Variants in ROPN1B observed in about 807,000 individuals in gnomAD.
The protein encoded by ROPN1B is ropporin-1B.
A neutral mutation model predicts 23.7 loss-of-function variants in ROPN1B; 13 were observed. The observed-to-expected ratio is 0.55, with a 90% confidence interval of 0.36 to 0.87. The LOEUF (loss-of-function observed/expected upper bound fraction) is 0.87. Ranked by LOEUF, ROPN1B falls within the 40% of genes least tolerant of loss-of-function variation. The pLI is 0.01. For synonymous variants in ROPN1B, 67 were observed against 100.4 expected, an observed-to-expected ratio of 0.67 and a Z score of 1.99; for missense variants, 183 against 249.2, an observed-to-expected ratio of 0.73 and a Z score of 1.79.
In ROPN1B at chr3:125,982,453, A is replaced by G. The variant is rs1168129951; in HGVS notation, c.572+8A>G. ...CTACATTGAACAGGAAGTGTAAGTT[A>G]ACTTTTACCAATTGGAGGTGAAAGA... On this transcript the variant is annotated splice_region_variant and intron_variant, in intron 6 of 6. Transcript: ENST00000514116. The G allele has an allele frequency of 6.3e-7, 1 of 1,583,832 alleles. No homozygotes were observed. Among genetic ancestry groups the G allele is most frequent in the South Asian group, 1.2e-5 (1 of 84,740 alleles).
intron 5 of ROPN1B, chr3:125,977,857 T>C (rs1015873861): frequency 6.6e-5 from 10 of 152,464 alleles, no homozygotes; most frequent in Non-Finnish European, 1.2e-4. Flanking sequence ...ATCAAAAACA[T>C]GGTTTTTAAA....
At chr3:125,970,682 T>A (rs1938168715) in intron 1 of ROPN1B, among the ~76,000 whole-genome samples, 1 of 152,158 alleles carries the variant, frequency 6.6e-6, no homozygotes, top group Non-Finnish European at 1.5e-5. Flanking sequence ...TGTACAGATT[T>A]AGTGGTTATT....
intron 3 of ROPN1B, among the ~76,000 whole-genome samples, chr3:125,974,796 A>G (rs1938345010): frequency 6.6e-6 from 1 of 152,156 alleles, no homozygotes; most frequent in Admixed American, 6.5e-5. Flanking sequence ...AAACAGTTTT[A>G]TTTTACAGGC....
At chr3:125,977,427 T>C in intron 5 of ROPN1B, 2 of 489,624 alleles carry the variant, frequency 4.1e-6, no homozygotes, top group Non-Finnish European at 7.6e-6. Flanking sequence ...TATTTATGAA[T>C]ATTGCCCTCA....
At chr3:125,981,548 G>C (rs186833180) in intron 5 of ROPN1B, among the ~76,000 whole-genome samples, 1 of 151,990 alleles carries the variant, frequency 6.6e-6, no homozygotes, top group Non-Finnish European at 1.5e-5. Context: ...TCAAAGGGTG[G>C]GTTATTTAAA....
intron 4 of ROPN1B, 72 bp downstream of exon 4, chr3:125,975,752 CCT>C: frequency 7.3e-7 from 1 of 1,373,146 alleles, no homozygotes; most frequent in Admixed American, 2.1e-5. Context: ...AGACGAAAGC[CCT>C]CTGTTCTCCT....
At chr3:125,971,702 A>AT (rs955264181) in intron 2 of ROPN1B, among the ~76,000 whole-genome samples, 13 of 152,138 alleles carry the variant, frequency 8.5e-5, no homozygotes, top group African/African-American at 2.4e-4. Context: ...GCATAATCTT[A>AT]TTTTTTTGTT....
At chr3:125,983,025 C>T (rs1445185434) in intron 6 of ROPN1B, among the ~76,000 whole-genome samples, 2 of 152,000 alleles carry the variant, frequency 1.3e-5, no homozygotes, top group Non-Finnish European at 2.9e-5. Flanking sequence ...GTGTCTGTAT[C>T]AGTTAATTGG....
chr3:125,974,243 G>A (rs140822566), intron 3 of ROPN1B, among the ~76,000 whole-genome samples: 455 of 152,276 alleles, frequency 3.0e-3, no homozygotes, highest in African/African-American at 4.3e-3. Flanking sequence ...CCCTGCTCCT[G>A]TTGTCACAGT....
At position 125,982,432 on chromosome 3, in the gene ROPN1B, A is replaced by G; in HGVS notation, c.559A>G (p.Ile187Val). The stretch of plus-strand genomic sequence containing the variant: ...ACATGTCAGCAGGATGCTAAACTAC[A>G]TTGAACAGGAAGTGTAAGTTAACTT... ...ASHVSRMLNY[I>V]EQEVIGPDGL... The change falls in exon 6 of 7, where the codon ATT becomes GTT. Residue 187 changes from isoleucine to valine, a missense_variant. Around this residue, in one of 3 missense-constraint regions of ROPN1B, gnomAD observed 80 missense variants for 98.0 expected, o/e 0.82. Transcript: ENST00000514116. 1 of 1,597,418 alleles carries G rather than the reference A, an allele frequency of 6.3e-7. No individual in the cohort carries two copies. Among genetic ancestry groups the G allele is most frequent in the Non-Finnish European group, 8.5e-7 (1 of 1,175,802 alleles).
chr3:125,981,811 C>CT (rs1454476723), intron 5 of ROPN1B, among the ~76,000 whole-genome samples: 1 of 152,112 alleles, frequency 6.6e-6, no homozygotes, highest in African/African-American at 2.4e-5. Context: ...TCCTGGGACT[C>CT]TATTTTCCTG....
At chr3:125,970,478 A>G (rs1276950523) in intron 1 of ROPN1B, among the ~76,000 whole-genome samples, 2 of 152,124 alleles carry the variant, frequency 1.3e-5, no homozygotes, top group African/African-American at 2.4e-5. Context: ...CTGAAACAAG[A>G]CTATACAGTC....
intron 3 of ROPN1B, 106 bp downstream of exon 3, chr3:125,972,276 C>T (rs746339490): frequency 1.0e-6 from 1 of 964,924 alleles, no homozygotes; most frequent in Non-Finnish European, 1.6e-6. Context: ...TCGGGACTAA[C>T]TGGCATCGTC....
At chr3:125,981,247 AAC>A (rs1391693723) in intron 5 of ROPN1B, among the ~76,000 whole-genome samples, 2 of 152,234 alleles carry the variant, frequency 1.3e-5, no homozygotes, top group Non-Finnish European at 2.9e-5. Flanking sequence ...GCTCCTGGGT[AAC>A]ACATACCACA....
At chr3:125,976,883 C>T in intron 4 of ROPN1B, 121 bp from the exon 5 acceptor site, 2 of 773,170 alleles carry the variant, frequency 2.6e-6, no homozygotes, top group Non-Finnish European at 4.7e-6. Context: ...TCCTAACACC[C>T]CCTCCCGCCC....
Position 125,972,169 on chromosome 3 carries a change from G to C in ROPN1B, c.115G>C (p.Asp39His), listed in dbSNP as rs143434891. 1.7e-5 allele frequency: 28 copies of C among 1,613,992 alleles called. No individual in the cohort carries two copies. In the African/African-American group the frequency reaches 3.1e-4, roughly 18 times the overall value. ...GCAGGACCTCATCCAGTGGGGGGCC[G>C]AGTACGTGCTCCTTTCTCGCCTTCA... Reference protein sequence around the residue: ...QPQDLIQWGADYFEALSRGET... With the variant: ...QPQDLIQWGAHYFEALSRGET... The change falls in exon 3 of 7, where the codon GAT becomes CAT. Residue 39 changes from aspartate to histidine, a missense_variant and splice_region_variant. By Grantham distance (81) the Asp-to-His change is moderately conservative. Coordinates refer to ENST00000514116, the MANE Select transcript of ROPN1B (RefSeq NM_001308313.2).
At chr3:125,973,404 C>T in intron 3 of ROPN1B, 1 of 198,850 alleles carries the variant, frequency 5.0e-6, no homozygotes, top group Middle Eastern at 2.1e-3. Context: ...GTTGCTTTGC[C>T]TAGTAATAAG....
At chr3:125,972,425 G>A (rs1452626753) in intron 3 of ROPN1B, 3 of 541,036 alleles carry the variant, frequency 5.5e-6, no homozygotes, top group African/African-American at 1.9e-5. Flanking sequence ...CGTGTCCTGG[G>A]GCAAGCAGCA....
intron 1 of ROPN1B, chr3:125,970,291 A>C (rs1305241889): frequency 1.3e-5 from 2 of 152,196 alleles, no homozygotes; most frequent in African/African-American, 4.8e-5. Context: ...TCCCAAACCC[A>C]CCACCTCCAA....
Sources: gnomAD v4.1 joint callset for allele counts (sites outside exome capture counted in the v4.1 genomes callset) on GRCh38, gnomAD v4.1.1 for gene constraint, gnomAD v4.1.1 regional missense constraint, MANE v1.5 for transcripts, NCBI Gene and HGNC (gene_info 2026-07-23, HGNC 2026-07-21) for gene names.